TRMT44: variants seen among roughly 807,000 people sequenced by gnomAD.
TRMT44 encodes tRNA methyltransferase 44 homolog, also known as probable tRNA (uracil-O(2)-)-methyltransferase.
A neutral mutation model predicts 77.3 loss-of-function variants in TRMT44; 78 were observed. The ratio of observed to expected loss-of-function variants is 1.01; its 90% CI spans 0.84 to 1.22. The LOEUF is 1.22. Ranked by LOEUF, TRMT44 falls within the 50% of genes most tolerant of loss-of-function variation. The pLI is 0.00. For missense variants in TRMT44, 1,090 were observed against 964.4 expected (o/e 1.13, Z -1.73); for synonymous variants, 391 against 383.3 (o/e 1.02, Z -0.23).
chr4:8,482,106 A>C (rs1348242879), intron 2 of TRMT44, among the ~76,000 whole-genome samples: 1 of 152,140 alleles, frequency 6.6e-6, no homozygotes, highest in African/African-American at 2.4e-5. Flanking sequence ...CTTGGGGCTC[A>C]TCTTGTTTTT....
chr4:8,493,665 A>G (rs1728077210), downstream of TRMT44: 1 of 152,110 alleles, frequency 6.6e-6, no homozygotes, highest in Admixed American at 6.6e-5. Flanking sequence ...TCTATGTTGG[A>G]TCCAGGCACC....
chr4:8,473,525 CT>C (rs990558705), intron 10 of TRMT44: 2 of 152,364 alleles, frequency 1.3e-5, no homozygotes, highest in Admixed American at 6.5e-5. Flanking sequence ...CATCCGAGGA[CT>C]GTAATCCTCA....
rs371214451 is a variant in TRMT44, at chr4:8,450,549, T to C, written c.954+661T>C. ...CAAAAGAGCAGTTCCCAAAAGGAGA[T>C]ACATTTCATAATAACATGTGCTTAA... On this transcript the variant is annotated intron_variant, in intron 3 of 10. Transcript: ENST00000389737. 1.1e-4 allele frequency among the ~76,000 whole-genome samples: 16 copies of C among 152,302 alleles called. No homozygotes were observed. The East Asian group carries it at 2.9e-3, about 28-fold the overall frequency.
chr4:8,467,750 G>A (rs1432572517), intron 8 of TRMT44, among the ~76,000 whole-genome samples, 164 bp from the exon 9 acceptor site: 2 of 152,246 alleles, frequency 1.3e-5, no homozygotes, highest in Non-Finnish European at 2.9e-5. Context: ...TAGGATGATA[G>A]GAGTGAGCCA....
intron 9 of TRMT44, 112 bp from the exon 10 acceptor site, chr4:8,470,972 G>A: frequency 1.4e-6 from 1 of 716,492 alleles, no homozygotes; most frequent in East Asian, 2.6e-5. Flanking sequence ...TCGTGCTGGA[G>A]TGCATAACGC....
chr4:8,481,693 T>A (rs1272395480), intron 2 of TRMT44, among the ~76,000 whole-genome samples: 2 of 152,228 alleles, frequency 1.3e-5, no homozygotes, highest in East Asian at 3.9e-4. Flanking sequence ...TTGTTAAAAA[T>A]GAAAAGAGAA....
downstream of TRMT44, chr4:8,477,460 C>T (rs991296192): frequency 6.6e-6 from 1 of 152,320 alleles, no homozygotes; most frequent in African/African-American, 2.4e-5. Context: ...GCAGCTGCAG[C>T]TCTGACTAGT....
Position 8,468,091 on chromosome 4 carries a change from C to T in TRMT44, c.1672C>T (p.Gln558Ter). The change falls in exon 9 of 11, where the codon CAA (glutamine) becomes TAA (stop). Residue 558 changes from glutamine to a stop codon, truncating the protein, a stop_gained. Transcript: ENST00000389737. LOFTEE classifies it high-confidence loss of function. ...AGSAGHCDGQ[Q>*]ALDARVGCVT... ...CAGTGCTGGTCACTGTGACGGTCAGCAAGCTCTGGACGCCAGGGTCGGGTG... is the reference window on the plus strand; with the variant it reads ...CAGTGCTGGTCACTGTGACGGTCAGTAAGCTCTGGACGCCAGGGTCGGGTG... 1.2e-6 allele frequency: 2 copies of T among 1,613,958 alleles called. No homozygotes were observed. The highest frequency in any genetic ancestry group is 2.2e-5 in the East Asian group (1 of 44,878).
intron 2 of TRMT44, among the ~76,000 whole-genome samples, chr4:8,449,444 G>A (rs1278942362): frequency 6.6e-6 from 1 of 152,194 alleles, no homozygotes; most frequent in African/African-American, 2.4e-5. Flanking sequence ...TTCGCAGTGT[G>A]TAAATATATC....
At chr4:8,495,137 G>C (rs1032584947), downstream of TRMT44, among the ~76,000 whole-genome samples, 1 of 152,214 alleles carries the variant, frequency 6.6e-6, no homozygotes, top group African/African-American at 2.4e-5. Context: ...GGAGACCCCA[G>C]GTTAGGGTAG....
chr4:8,466,878 G>T (rs1479382728), intron 8 of TRMT44, among the ~76,000 whole-genome samples: 1 of 152,190 alleles, frequency 6.6e-6, no homozygotes, highest in Non-Finnish European at 1.5e-5. Context: ...TGGGGACTGG[G>T]TGTGTGACAG....
At position 8,446,703 on chromosome 4, in the gene TRMT44, G is replaced by A. The variant is rs1312647273; in HGVS notation, c.734+113G>A. The A allele has an allele frequency of 1.5e-6, 1 of 678,492 alleles. No homozygotes were observed. Among genetic ancestry groups the A allele is most frequent in the Admixed American group, 3.1e-5 (1 of 32,112 alleles). The allele number at this position is 678,492 out of a possible 1,614,324, so 42.0% of individuals were successfully genotyped here. A position where few individuals can be genotyped will look rare whatever the true frequency, so the allele number is the denominator to read the frequency against. ...AAGGTCCTGTCTCTGAGGTGGTTAT[G>A]GTTTGTAGGAATGCAGTTGCTAGCT... On this transcript the variant is annotated intron_variant, in intron 2 of 10. Transcript: ENST00000389737. The surrounding 1 kb of genome is among the most constrained non-coding windows in gnomAD (Gnocchi z 4.3).
intron 8 of TRMT44, among the ~76,000 whole-genome samples, chr4:8,466,554 T>A (rs1726562925): frequency 1.3e-5 from 2 of 152,260 alleles, no homozygotes; most frequent in Admixed American, 1.3e-4. Context: ...CCGTGGGAAG[T>A]TACCTTAGGA....
intron 2 of TRMT44, among the ~76,000 whole-genome samples, chr4:8,492,725 G>A (rs1728045241): frequency 6.6e-6 from 1 of 152,218 alleles, no homozygotes; most frequent in African/African-American, 2.4e-5. Context: ...TGCTCACTGA[G>A]ATAGATGCGT....
chr4:8,453,071 TC>T, intron 5 of TRMT44, 82 bp downstream of exon 5: 2 of 768,338 alleles, frequency 2.6e-6, no homozygotes, highest in Non-Finnish European at 3.9e-6. Context: ...GACATCTTTT[TC>T]TGCTGATACA....
rs1725485109 is a variant in TRMT44 at position 8,452,011 on chromosome 4, A to G, written c.1006A>G (p.Ile336Val). ...GAAGTTCGTGTATGAAGATGTGGCT[A>G]TCGCAGCATACCTGCTGGTAAGGGT... is the stretch of plus-strand genomic sequence containing the variant. ...PEKFVYEDVA[I>V]AAYLLILWEE... Residue 336 changes from isoleucine to valine, a missense_variant, in exon 4 of 11, where the codon ATC becomes GTC. Transcript: ENST00000389737. The surrounding 1 kb of genome is among the most constrained non-coding windows in gnomAD (Gnocchi z 5.7). 10 of 1,536,684 alleles carry G rather than the reference A, an allele frequency of 6.5e-6. No homozygotes were observed. Among genetic ancestry groups the G allele is most frequent in the South Asian group, 2.4e-5 (2 of 84,040 alleles).
chr4:8,504,128 A>C, the TRMT44 span, among the ~76,000 whole-genome samples: 6 of 148,886 alleles, frequency 4.0e-5, no homozygotes, highest in Non-Finnish European at 8.9e-5. The surrounding 1 kb of genome is among the most constrained non-coding windows in gnomAD (Gnocchi z 5.3). Flanking sequence ...AGGGCGGGGC[A>C]GGGGCTGCAT....
intron 1 of TRMT44, among the ~76,000 whole-genome samples, chr4:8,442,908 C>T (rs926190903): frequency 6.6e-6 from 1 of 152,206 alleles, no homozygotes; most frequent in East Asian, 1.9e-4. Context: ...CCGGGCTCAC[C>T]TGGATAATCC....
At chr4:8,483,464 G>A (rs953235524) in intron 2 of TRMT44, among the ~76,000 whole-genome samples, 1 of 152,096 alleles carries the variant, frequency 6.6e-6, no homozygotes, top group Non-Finnish European at 1.5e-5. Context: ...AATGAGACTG[G>A]GGCCTAATAA....
Sources: allele counts gnomAD v4.1 joint callset (sites outside exome capture counted in the v4.1 genomes callset), GRCh38; gene constraint gnomAD v4.1.1; non-coding constraint Gnocchi (gnomAD v3.1); transcripts MANE v1.5; gene names NCBI Gene and HGNC (gene_info 2026-07-23, HGNC 2026-07-21).